The following DYRK1A variants were observed in gnomAD, a reference collection of about 807,000 sequenced individuals.
The protein encoded by DYRK1A is dual specificity tyrosine-phosphorylation-regulated kinase 1A.
Under a neutral mutation model 79.7 loss-of-function variants are expected in DYRK1A, and 9 were observed. The ratio of observed to expected loss-of-function variants is 0.11; its 90% CI spans 0.07 to 0.20. The LOEUF is 0.20. Among genes scored for constraint, DYRK1A ranks in the 10% least tolerant of loss-of-function variants. The pLI is 1.00. For missense variants in DYRK1A, 622 were observed against 956.0 expected, an observed-to-expected ratio of 0.65 and a Z score of 4.61; for synonymous variants, 349 against 329.7, an observed-to-expected ratio of 1.06 and a Z score of -0.63.
In DYRK1A at chr21:37,394,463, T is replaced by C. The variant is rs190649256; in HGVS notation, c.-76-25836T>C. The stretch of plus-strand genomic sequence containing the variant: ...GTGAAGAAAGTAGAACAATGAATAC[T>C]TTATGGCAGGGGTCTCCAGCCACTG... On this transcript the variant is annotated intron_variant, in intron 1 of 11. Transcript: ENST00000647188. 1.1e-3 allele frequency among the ~76,000 whole-genome samples: 166 copies of C among 152,298 alleles called. 1 individual carries two copies. Among genetic ancestry groups the C allele is most frequent in the African/African-American group, 3.7e-3 (155 of 41,558 alleles).
chr21:37,425,885 C>G (rs2050604634), intron 2 of DYRK1A: 1 of 152,106 alleles, frequency 6.6e-6, no homozygotes, highest in Non-Finnish European at 1.5e-5. Flanking sequence ...TAGGAGAACC[C>G]TAAGATAACC....
chr21:37,369,294 T>C (rs1275021994), intron 1 of DYRK1A, among the ~76,000 whole-genome samples: 1 of 152,258 alleles, frequency 6.6e-6, no homozygotes, highest in Non-Finnish European at 1.5e-5. Context: ...TAGGATAATA[T>C]TGTTTTCAAG....
intron 2 of DYRK1A, among the ~76,000 whole-genome samples, chr21:37,459,051 A>G (rs954791086): frequency 6.6e-6 from 1 of 152,220 alleles, no homozygotes; most frequent in African/African-American, 2.4e-5. Context: ...CTATTTGCTA[A>G]GCCATAAATA....
intron 2 of DYRK1A, among the ~76,000 whole-genome samples, chr21:37,469,266 G>A (rs527939050): frequency 1.1e-4 from 17 of 152,328 alleles, no homozygotes; most frequent in Middle Eastern, 3.4e-3. Context: ...CAGCATCTCT[G>A]TGTATACCAA....
At chr21:37,460,264 T>A (rs575650367) in intron 2 of DYRK1A, among the ~76,000 whole-genome samples, 2 of 152,314 alleles carry the variant, frequency 1.3e-5, no homozygotes, top group Admixed American at 1.3e-4. Context: ...GTTGACATTT[T>A]AAAAATCTCC....
intron 2 of DYRK1A, among the ~76,000 whole-genome samples, chr21:37,461,276 T>C (rs2835757): frequency 0.28 from 43,058 of 152,160 alleles, 6,277 homozygotes; most frequent in South Asian, 0.38. Context: ...ATCTAAGTTA[T>C]AATAAAATGG....
intron 2 of DYRK1A, among the ~76,000 whole-genome samples, chr21:37,443,457 G>A (rs933986187): frequency 6.6e-6 from 1 of 152,152 alleles, no homozygotes; most frequent in Non-Finnish European, 1.5e-5. Flanking sequence ...CAGCCATTGT[G>A]AATTTTCACT....
rs2053900661 is a variant in DYRK1A at position 37,518,246 on chromosome 21, G to A, written c.*5715G>A. 1 of 152,226 alleles carries A rather than the reference G, an allele frequency of 6.6e-6. No individual in the cohort carries two copies. Among genetic ancestry groups the A allele is most frequent in the African/African-American group, 2.4e-5 (1 of 41,446 alleles). 9.4% of individuals were successfully genotyped at this position (152,226 alleles called of 1,614,324 possible). ...AAAGAGCGTTTTTATGTACATCACA[G>A]ACAAGCCTTGTTCTGCTGAAGAGGT... On this transcript the variant is annotated 3_prime_UTR_variant, in exon 12 of 12. Transcript: ENST00000647188.
At chr21:37,391,803 T>C (rs541061685) in intron 1 of DYRK1A, among the ~76,000 whole-genome samples, 1 of 152,256 alleles carries the variant, frequency 6.6e-6, no homozygotes, top group South Asian at 2.1e-4. Flanking sequence ...TTCCCACTCG[T>C]GTTAGGCTCC....
intron 2 of DYRK1A, among the ~76,000 whole-genome samples, chr21:37,421,322 G>C (rs538496833): frequency 6.6e-6 from 1 of 151,854 alleles, no homozygotes; most frequent in African/African-American, 2.4e-5. Context: ...TATTTTTGGC[G>C]ATCTGGGTTT....
rs554239845 is a variant in DYRK1A at position 37,367,854 on chromosome 21, G to C, written c.-77+226G>C. 2.3e-3 allele frequency among the ~76,000 whole-genome samples: 351 copies of C among 151,538 alleles called. 1 individual carries two copies. The highest frequency in any genetic ancestry group is 5.6e-3 in the South Asian group (27 of 4,824). ...GAAAGTTGCGGAGGGTGGGAGCGGG[G>C]GCCGCGGCCTCCCGGGAGCCGGGGC... On this transcript the variant is annotated intron_variant, in intron 1 of 11. Transcript: ENST00000647188.
intron 1 of DYRK1A, among the ~76,000 whole-genome samples, chr21:37,387,625 T>C (rs1274000032): frequency 6.6e-6 from 1 of 152,246 alleles, no homozygotes; most frequent in Admixed American, 6.5e-5. Flanking sequence ...TTTTGCATAT[T>C]TTCCAGCATG....
intron 2 of DYRK1A, among the ~76,000 whole-genome samples, chr21:37,429,429 G>A (rs1035145379): frequency 2.6e-5 from 4 of 152,180 alleles, no homozygotes; most frequent in Non-Finnish European, 5.9e-5. Context: ...TATACATGAA[G>A]CATGGCTAGG....
At chr21:37,432,415 A>G (rs571628632) in intron 2 of DYRK1A, among the ~76,000 whole-genome samples, 2 of 152,308 alleles carry the variant, frequency 1.3e-5, no homozygotes, top group East Asian at 3.9e-4. Flanking sequence ...GAATAGAAAT[A>G]TCTACTTGGC....
intron 2 of DYRK1A, among the ~76,000 whole-genome samples, chr21:37,431,080 A>T (rs1212311820): frequency 6.6e-6 from 1 of 152,134 alleles, no homozygotes; most frequent in African/African-American, 2.4e-5. Flanking sequence ...GTATGTCTCC[A>T]TCCCATGCTT....
At chr21:37,388,654 AT>A (rs34307432) in intron 1 of DYRK1A, among the ~76,000 whole-genome samples, 14,335 of 140,510 alleles carry the variant, frequency 0.1, 785 homozygotes, top group Non-Finnish European at 0.12. Context: ...TTTTTTCTCC[AT>A]TTTTTTTTTT....
At chr21:37,419,829 T>G (rs13049514) in intron 1 of DYRK1A, 1 of 152,112 alleles carries the variant, frequency 6.6e-6, no homozygotes, top group African/African-American at 2.4e-5. Context: ...GTGAGAAATG[T>G]CTCAGAACTT....
chr21:37,372,070 C>A (rs555425949), intron 1 of DYRK1A, among the ~76,000 whole-genome samples: 9 of 152,138 alleles, frequency 5.9e-5, no homozygotes, highest in African/African-American at 2.2e-4. Context: ...GGGTTTTTCA[C>A]AAAAGCTTTT....
At chr21:37,366,208 C>A (rs1302451877), upstream of DYRK1A, 1 of 150,834 alleles carries the variant, frequency 6.6e-6, no homozygotes, top group Non-Finnish European at 1.5e-5. Context: ...CAGGCCCGGG[C>A]GCGCGGGGTG....
Sources: allele counts gnomAD v4.1 joint callset (sites outside exome capture counted in the v4.1 genomes callset), GRCh38; gene constraint gnomAD v4.1.1; transcripts MANE v1.5; gene names NCBI Gene and HGNC (gene_info 2026-07-23, HGNC 2026-07-21).